Variants in TM9SF2 observed in about 807,000 individuals in gnomAD.
The protein encoded by TM9SF2 is transmembrane 9 superfamily member 2.
In TM9SF2, 13 loss-of-function variants were observed where a neutral mutation model predicts 84.9. The ratio of observed to expected loss-of-function variants is 0.15; its 90% confidence interval spans 0.10 to 0.24. TM9SF2 has a LOEUF of 0.24. Among genes scored for constraint, TM9SF2 ranks in the 10% least tolerant of loss-of-function variants. The probability of loss-of-function intolerance (pLI) is 1.00; values close to 1 mark genes in which losing one functional copy is unlikely to be tolerated. For synonymous variants in TM9SF2, 273 were observed against 285.8 expected (o/e 0.96, Z 0.45); for missense variants, 562 against 818.5 (o/e 0.69, Z 3.82).
chr13:99,524,590 G>C (rs2046174115), intron 3 of TM9SF2, among the ~76,000 whole-genome samples: 2 of 152,068 alleles, frequency 1.3e-5, no homozygotes, highest in South Asian at 4.1e-4. Flanking sequence ...AGAATCATCA[G>C]TGTATAGATG....
At chr13:99,520,478 T>A (rs1329326154) in intron 3 of TM9SF2, among the ~76,000 whole-genome samples, 4 of 152,266 alleles carry the variant, frequency 2.6e-5, no homozygotes, top group Non-Finnish European at 1.5e-5. Context: ...TCTGTGTCTC[T>A]TTCCCCCTGT....
At chr13:99,504,464 ATTG>A (rs768675425) in intron 1 of TM9SF2, among the ~76,000 whole-genome samples, 25 of 152,334 alleles carry the variant, frequency 1.6e-4, no homozygotes, top group Middle Eastern at 3.4e-3. Context: ...AATATTTGTC[ATTG>A]TTGTGATAGT....
At chr13:99,528,372 A>G (rs541839780) in intron 3 of TM9SF2, among the ~76,000 whole-genome samples, 1 of 152,212 alleles carries the variant, frequency 6.6e-6, no homozygotes, top group Non-Finnish European at 1.5e-5. Flanking sequence ...GGAGGATTAC[A>G]TGAGGCTTGA....
chr13:99,503,201 T>C (rs1189123744), intron 1 of TM9SF2, among the ~76,000 whole-genome samples: 1 of 152,218 alleles, frequency 6.6e-6, no homozygotes, highest in Non-Finnish European at 1.5e-5. Context: ...AGGCCTAGTG[T>C]TTGGTCTTAC....
At chr13:99,533,668 G>A (rs1335070960) in intron 4 of TM9SF2, among the ~76,000 whole-genome samples, 3 of 151,882 alleles carry the variant, frequency 2.0e-5, no homozygotes, top group Non-Finnish European at 2.9e-5. Context: ...TTTATTTGTT[G>A]TTGTTGTTGA....
At chr13:99,526,312 T>A (rs1456291533) in intron 3 of TM9SF2, among the ~76,000 whole-genome samples, 1 of 152,222 alleles carries the variant, frequency 6.6e-6, no homozygotes, top group African/African-American at 2.4e-5. Context: ...TGCTGCTGAG[T>A]TGGATTTAAC....
intron 1 of TM9SF2, among the ~76,000 whole-genome samples, chr13:99,506,013 T>A (rs1431431178): frequency 6.6e-6 from 1 of 152,216 alleles, no homozygotes; most frequent in Non-Finnish European, 1.5e-5. Context: ...TTATACCCCC[T>A]AGTGGTTAAA....
chr13:99,538,096 G>T (rs1241906837), intron 6 of TM9SF2, among the ~76,000 whole-genome samples: 1 of 152,160 alleles, frequency 6.6e-6, no homozygotes, highest in South Asian at 2.1e-4. Context: ...TTGTTTTTCA[G>T]TCAGGAGGTT....
chr13:99,505,918 A>G (rs990680926), intron 1 of TM9SF2, among the ~76,000 whole-genome samples: 1 of 152,224 alleles, frequency 6.6e-6, no homozygotes, highest in African/African-American at 2.4e-5. Flanking sequence ...AATGTCTGCC[A>G]CTTTTTTACT....
intron 1 of TM9SF2, among the ~76,000 whole-genome samples, chr13:99,510,258 A>C (rs2046108001): frequency 6.6e-6 from 1 of 152,048 alleles, no homozygotes; most frequent in Non-Finnish European, 1.5e-5. Context: ...GAAGTTCCAA[A>C]CTTTGCCTCA....
intron 4 of TM9SF2, among the ~76,000 whole-genome samples, chr13:99,533,336 CAT>C (rs1351700900): frequency 2.6e-5 from 4 of 152,190 alleles, no homozygotes; most frequent in South Asian, 4.1e-4. Context: ...TATTATTTCT[CAT>C]GTGTGTTTCT....
intron 12 of TM9SF2, among the ~76,000 whole-genome samples, chr13:99,551,312 A>G (rs1367045097): frequency 6.6e-6 from 1 of 152,252 alleles, no homozygotes; most frequent in East Asian, 1.9e-4. Flanking sequence ...GATGGAGAAT[A>G]CAGAAGCAGG....
At chr13:99,548,863 C>T (rs987535463) in intron 11 of TM9SF2, among the ~76,000 whole-genome samples, 1 of 152,136 alleles carries the variant, frequency 6.6e-6, no homozygotes, top group Admixed American at 6.6e-5. Context: ...GTGCCTAGGC[C>T]CATTGATTGA....
At chr13:99,501,903 C>A (rs896128641) in intron 1 of TM9SF2, 126 bp downstream of exon 1, 1 of 1,361,356 alleles carries the variant, frequency 7.3e-7, no homozygotes, top group Non-Finnish European at 9.8e-7. Flanking sequence ...TGAGTTTCCC[C>A]AGAAGCTTTT....
intron 3 of TM9SF2, among the ~76,000 whole-genome samples, chr13:99,522,133 G>T (rs2046163605): frequency 6.6e-6 from 1 of 152,096 alleles, no homozygotes. Context: ...TGATTCTCCT[G>T]CCTCAGCCTC....
chr13:99,506,655 T>C (rs1317805485), intron 1 of TM9SF2, among the ~76,000 whole-genome samples: 2 of 152,248 alleles, frequency 1.3e-5, no homozygotes, highest in African/African-American at 2.4e-5. Flanking sequence ...TCTTTCTGCC[T>C]GTGGCCCCTC....
intron 5 of TM9SF2, 98 bp downstream of exon 5, chr13:99,536,835 T>TGTACA (rs1159647144): frequency 9.5e-6 from 13 of 1,369,866 alleles, no homozygotes; most frequent in African/African-American, 1.4e-5. Flanking sequence ...ATTGAATGAG[T>TGTACA]GTACAGTTCA....
chr13:99,551,403 T>A lies in TM9SF2; in HGVS notation c.1329-764T>A, dbSNP rs928941967. On this transcript the variant is annotated intron_variant, in intron 12 of 16. Transcript: ENST00000376387. Reference sequence around the variant, plus strand: ...GATAAGTGATGCTGGGACAGCTGATTCTCTTCATGAAGGGAGAAAGTTGTC... The same window carrying A: ...GATAAGTGATGCTGGGACAGCTGATACTCTTCATGAAGGGAGAAAGTTGTC... 2.0e-5 allele frequency among the ~76,000 whole-genome samples: 3 copies of A among 152,206 alleles called. No homozygotes were observed. The South Asian group carries it at 6.2e-4, about 32-fold the overall frequency.
chr13:99,533,947 G>A (rs796704866), intron 4 of TM9SF2, among the ~76,000 whole-genome samples: 10 of 152,262 alleles, frequency 6.6e-5, no homozygotes, highest in African/African-American at 2.4e-4. Flanking sequence ...GGGATTACAG[G>A]CGCGAGCCAC....
Sources: gnomAD v4.1 joint callset for allele counts (sites outside exome capture counted in the v4.1 genomes callset) on GRCh38, gnomAD v4.1.1 for gene constraint, MANE v1.5 for transcripts, NCBI Gene and HGNC (gene_info 2026-07-23, HGNC 2026-07-21) for gene names.